Variants in DACT2 observed in about 807,000 individuals in gnomAD.
DACT2 encodes dishevelled binding antagonist of beta catenin 2.
A neutral mutation model predicts 22.2 loss-of-function variants in DACT2; 20 were observed. The observed-to-expected ratio is 0.90, with a 90% CI of 0.63 to 1.31. The LOEUF (loss-of-function observed/expected upper bound fraction) is 1.31, where lower values mean the gene tolerates loss of function less well. Ranked by LOEUF, DACT2 falls within the 50% of genes most tolerant of loss-of-function variation. DACT2 has a pLI of 0.00. For synonymous variants in DACT2, 463 were observed against 479.8 expected (o/e 0.96, Z 0.46); for missense variants, 1,048 against 1,061.4 (o/e 0.99, Z 0.18).
intron 3 of DACT2, 124 bp from the exon 4 acceptor site, chr6:168,309,222 G>A (rs1779324822): frequency 7.2e-7 from 1 of 1,397,368 alleles, no homozygotes; most frequent in African/African-American, 1.5e-5. Context: ...GGAACTCCTG[G>A]GTCCCATGGG....
Position 168,308,496 on chromosome 6 carries a change from G to A in DACT2, c.1261C>T (p.Pro421Ser). ...TTTGAGGGCTTGGAGCCCTCCTCTGGAAGGCTGCCAGACTGCTGGGGACCC... is the reference window on the plus strand; with the variant it reads ...TTTGAGGGCTTGGAGCCCTCCTCTGAAAGGCTGCCAGACTGCTGGGGACCC... ...LEGPQQSGSL[P>S]EEGSKPSNSC... The change falls in exon 4 of 4, where the codon CCA (proline) becomes TCA (serine). Residue 421 changes from proline (P) to serine (S), a missense_variant. Physicochemically the swap from Pro to Ser is moderately conservative, Grantham distance 74 (BLOSUM62 -1). Transcript: ENST00000366795. 1 of 1,551,520 alleles carries A rather than the reference G, an allele frequency of 6.4e-7. No homozygotes were observed. The highest frequency in any genetic ancestry group is 1.2e-5 in the South Asian group (1 of 84,056).
At chr6:168,301,693 G>T (rs917910806) in intron 3 of DACT2, among the ~76,000 whole-genome samples, 1 of 152,232 alleles carries the variant, frequency 6.6e-6, no homozygotes, top group Admixed American at 6.5e-5. Context: ...ACAGGGCACA[G>T]CTGGGGCTCT....
downstream of DACT2, among the ~76,000 whole-genome samples, chr6:168,305,110 G>C (rs1159651315): frequency 1.3e-5 from 2 of 152,190 alleles, no homozygotes; most frequent in Non-Finnish European, 2.9e-5. Flanking sequence ...TTGAGGAAGA[G>C]AGAGAGGATG....
At chr6:168,304,347 T>A (rs1226693372), downstream of DACT2, among the ~76,000 whole-genome samples, 1 of 152,270 alleles carries the variant, frequency 6.6e-6, no homozygotes, top group Non-Finnish European at 1.5e-5. Flanking sequence ...CGCGCCTGCC[T>A]GGGCCACCTG....
rs1308206751 is a variant in DACT2 at position 168,308,390 on chromosome 6, C to T, written c.1367G>A (p.Gly456Glu). 1.3e-6 allele frequency: 2 copies of T among 1,551,850 alleles called. No individual in the cohort carries two copies. The highest frequency in any genetic ancestry group is 1.7e-6 in the Non-Finnish European group (2 of 1,147,012). The part of the protein sequence containing the change: ...AQQTPSAQDY[G>E]RGNIISPSRM... The stretch of plus-strand genomic sequence containing the variant: ...GGATGGGGATATGATGTTGCCTCGT[C>T]CATAGTCCTGAGCTGAGGGTGTCTG... Residue 456 changes from glycine to glutamate, a missense_variant, in exon 4 of 4, where the codon GGA (glycine) becomes GAA (glutamate). By Grantham distance (98) the Gly-to-Glu change is moderately conservative. Transcript: ENST00000366795.
At position 168,294,602 on chromosome 6, in the gene DACT2, T is replaced by TATATAC. The variant is rs768380927; in HGVS notation, c.730+30_730+31insGTATAT. 9.8e-6 allele frequency: 8 copies of TATATAC among 812,896 alleles called. No homozygotes were observed. In the South Asian group the frequency reaches 1.2e-4, roughly 12 times the overall value. 50.4% of individuals were successfully genotyped at this position (812,896 alleles called of 1,614,324 possible). On this transcript the variant is annotated intron_variant, in intron 4 of 5. Transcript: ENST00000366796. ...GTATATATATATATATATATATATA[T>TATATAC]ACACATATAAAGAAGAACATCCTTC...
chr6:168,296,767 A>C (rs34808031), intron 3 of DACT2, among the ~76,000 whole-genome samples: 28,083 of 152,218 alleles, frequency 0.18, 3,291 homozygotes, highest in African/African-American at 0.34. Context: ...ACAACTTTTT[A>C]AAACCCACAA....
chr6:168,310,287 T>G lies in DACT2; in HGVS notation c.539A>C (p.Asp180Ala). Residue 180 changes from aspartate to alanine, a missense_variant, in exon 3 of 4, where the codon GAT becomes GCT. Transcript: ENST00000366795. ...TCTCCACGCTGGCACAGTAGTCTCA[T>G]CAACCGACCGGGGCCTCCAGTCCCC... ...SMGDWRPRSV[D>A]ETTVPAWRPQ... 3.2e-6 allele frequency: 5 copies of G among 1,551,538 alleles called. No homozygotes were observed. The highest frequency in any genetic ancestry group is 4.4e-6 in the Non-Finnish European group (5 of 1,146,978).
At position 168,310,772 on chromosome 6, in the gene DACT2, G is replaced by A. The variant is rs556922489; in HGVS notation, c.380-326C>T. On this transcript the variant is annotated intron_variant, in intron 2 of 3. Coordinates refer to ENST00000366795, the MANE Select transcript of DACT2 (RefSeq NM_214462.5). ...GCCTAAGAGGTGGCCTCTTCCTCTGGATTTCAGCCCTTTTAGGACAGGCCT... is the reference window on the plus strand; with the variant it reads ...GCCTAAGAGGTGGCCTCTTCCTCTGAATTTCAGCCCTTTTAGGACAGGCCT... Among the ~76,000 whole-genome samples, 496 of 152,240 alleles carry A rather than the reference G, an allele frequency of 3.3e-3. 3 individuals are homozygous for A. Among genetic ancestry groups the A allele is most frequent in the African/African-American group, 0.012 (480 of 41,548 alleles).
chr6:168,303,484 C>T (rs895407032), downstream of DACT2, among the ~76,000 whole-genome samples: 2 of 152,190 alleles, frequency 1.3e-5, no homozygotes, highest in African/African-American at 2.4e-5. Flanking sequence ...CGGCTTCTGT[C>T]TCTTGCTTCT....
chr6:168,306,217 G>A (rs1186282885), downstream of DACT2, among the ~76,000 whole-genome samples: 1 of 152,176 alleles, frequency 6.6e-6, no homozygotes, highest in Admixed American at 6.5e-5. Context: ...GAGGGGCCCA[G>A]GACGTCTGCG....
chr6:168,308,774 G>T lies in DACT2; in HGVS notation c.983C>A (p.Ala328Asp), dbSNP rs559934089. 6.4e-7 allele frequency: 1 copy of T among 1,551,286 alleles called. No homozygotes were observed. Among genetic ancestry groups the T allele is most frequent in the Non-Finnish European group, 8.7e-7 (1 of 1,147,004 alleles). ...CCTGTCGATATAAGCTCTGGCCCTGGCCGGGCCAGCCTCGAGGACCGGCCC... is the reference window on the plus strand; with the variant it reads ...CCTGTCGATATAAGCTCTGGCCCTGTCCGGGCCAGCCTCGAGGACCGGCCC... ...QTGPVLEAGPARARAYIDRLL... is the reference protein window; with the variant it reads ...QTGPVLEAGPDRARAYIDRLL... The change falls in exon 4 of 4, where the codon GCC becomes GAC. Residue 328 changes from alanine (A) to aspartate (D), a missense_variant. By Grantham distance (126) the Ala-to-Asp change is moderately radical. Coordinates refer to ENST00000366795, the MANE Select transcript of DACT2 (RefSeq NM_214462.5).
At chr6:168,312,385 C>T (rs1241358367) in intron 1 of DACT2, among the ~76,000 whole-genome samples, 4 of 152,176 alleles carry the variant, frequency 2.6e-5, no homozygotes, top group Admixed American at 6.5e-5. Flanking sequence ...TTTGTAGAGA[C>T]AGGGTCTTGC....
At chr6:168,313,725 A>G (rs1779478890) in intron 1 of DACT2, among the ~76,000 whole-genome samples, 1 of 152,126 alleles carries the variant, frequency 6.6e-6, no homozygotes, top group South Asian at 2.1e-4. Context: ...GTCCTCTTCC[A>G]AATCACACTC....
chr6:168,298,981 A>T (rs888691254), intron 3 of DACT2: 2 of 152,192 alleles, frequency 1.3e-5, no homozygotes, highest in Non-Finnish European at 2.9e-5. Flanking sequence ...TATTAATCAT[A>T]TATACTCGTT....
At chr6:168,306,340 C>T (rs922256511), downstream of DACT2, among the ~76,000 whole-genome samples, 2 of 152,164 alleles carry the variant, frequency 1.3e-5, no homozygotes, top group Admixed American at 6.5e-5. Flanking sequence ...TACCTGAAAA[C>T]ACTGCTATCT....
exon 6 of DACT2, chr6:168,293,566 G>A (rs1778948039): frequency 3.3e-6 from 1 of 304,862 alleles, no homozygotes; most frequent in Admixed American, 4.6e-5. Flanking sequence ...GGTGCTTATG[G>A]CCCCAGCACT....
At position 168,308,556 on chromosome 6, in the gene DACT2, C is replaced by A. The variant is rs1461159764; in HGVS notation, c.1201G>T (p.Gly401Cys). 3 of 1,549,848 alleles carry A rather than the reference C, an allele frequency of 1.9e-6. No individual in the cohort carries two copies. In the Admixed American group the frequency reaches 5.9e-5, roughly 30 times the overall value. Residue 401 changes from glycine to cysteine, a missense_variant, in exon 4 of 4, where the codon GGC becomes TGC. By Grantham distance (159) the Gly-to-Cys change is radical (BLOSUM62 -3). Transcript: ENST00000366795. The part of the protein sequence containing the change: ...GPAQSRGAGR[G>C]GPQQQGYMPL... ...ATGTATCCCTGCTGCTGGGGCCCGCCCCTGCCGGCACCCCTGCTCTGAGCT... is the reference window on the plus strand; with the variant it reads ...ATGTATCCCTGCTGCTGGGGCCCGCACCTGCCGGCACCCCTGCTCTGAGCT...
At position 168,308,250 on chromosome 6, in the gene DACT2, G is replaced by A. The variant is rs1168979299; in HGVS notation, c.1507C>T (p.Pro503Ser). ...GCAAACCTCAGCACCTTGTCCATGG[G>A]ACTTCTCTTGATTTTTTCAGCCTTG... ...KSKAEKIKRS[P>S]MDKVLRFARQ... is the part of the protein sequence containing the mutation. The change falls in exon 4 of 4, where the codon CCC becomes TCC. Residue 503 changes from proline (P) to serine (S), a missense_variant. Transcript: ENST00000366795. The A allele has an allele frequency of 1.9e-6, 3 of 1,552,094 alleles. No homozygotes were observed. Among genetic ancestry groups the A allele is most frequent in the African/African-American group, 2.7e-5 (2 of 73,060 alleles).
Sources: gnomAD v4.1 joint callset for allele counts (sites outside exome capture counted in the v4.1 genomes callset) on GRCh38, gnomAD v4.1.1 for gene constraint, MANE v1.5 for transcripts, NCBI Gene and HGNC (gene_info 2026-07-23, HGNC 2026-07-21) for gene names.